CFAP206: variants seen among roughly 807,000 people sequenced by gnomAD.
CFAP206 encodes cilia- and flagella-associated protein 206.
In CFAP206, 53 loss-of-function variants were observed where a neutral mutation model predicts 65.4. The ratio of observed to expected loss-of-function variants is 0.81; its 90% CI spans 0.65 to 1.02. The LOEUF (loss-of-function observed/expected upper bound fraction) is 1.02. Ranked by LOEUF, CFAP206 falls within the 50% of genes least tolerant of loss-of-function variation. The pLI is 0.00. For missense variants in CFAP206, 663 were observed against 753.2 expected (o/e 0.88, Z 1.40); for synonymous variants, 250 against 254.4 (o/e 0.98, Z 0.17).
At chr6:87,432,030 C>T (rs2127952201) in intron 10 of CFAP206, among the ~76,000 whole-genome samples, 1 of 152,280 alleles carries the variant, frequency 6.6e-6, no homozygotes, top group South Asian at 2.1e-4. Context: ...AAGAAATTAT[C>T]ATCCAAAAAG....
chr6:87,437,825 AT>A (rs1206669821), intron 11 of CFAP206, among the ~76,000 whole-genome samples: 1,237 of 104,496 alleles, frequency 0.012, 21 homozygotes, highest in African/African-American at 0.038. Context: ...TGCCTGGCTA[AT>A]TTTTTTTTTT....
intron 9 of CFAP206, among the ~76,000 whole-genome samples, chr6:87,429,326 C>T (rs373757104): frequency 2.0e-5 from 3 of 151,692 alleles, no homozygotes; most frequent in Admixed American, 6.6e-5. Context: ...AATAACCATT[C>T]GTAGTGTTAT....
rs149521504 is a variant in CFAP206 at position 87,428,962 on chromosome 6, C to T, written c.1159+138C>T. 593 of 885,436 alleles carry T rather than the reference C, an allele frequency of 6.7e-4. 1 individual carries two copies. Among genetic ancestry groups the T allele is most frequent in the East Asian group, 1.7e-3 (61 of 36,946 alleles). The allele number at this position is 885,436 out of a possible 1,614,324, so 54.8% of individuals were successfully genotyped here. ...TTGATTATAAAGTACTAATGAGGGC[C>T]GGGTGTGGTGGCTCACGCCTGTAAT... On this transcript the variant is annotated intron_variant, in intron 9 of 12. Coordinates refer to ENST00000369562, the MANE Select transcript of CFAP206 (RefSeq NM_001031743.3).
intron 11 of CFAP206, among the ~76,000 whole-genome samples, chr6:87,454,354 T>C (rs1461485993): frequency 6.6e-6 from 1 of 152,156 alleles, no homozygotes; most frequent in Admixed American, 6.5e-5. Context: ...CAAAGAAACA[T>C]CAGACTTAAT....
chr6:87,408,044 G>GGACAGAAGCA lies in CFAP206; in HGVS notation c.-44_-35dup. 1 of 985,574 alleles carries GGACAGAAGCA rather than the reference G, an allele frequency of 1.0e-6. No homozygotes were observed. Among genetic ancestry groups the GGACAGAAGCA allele is most frequent in the South Asian group, 4.7e-5 (1 of 21,288 alleles). 61.1% of individuals were successfully genotyped at this position (985,574 alleles called of 1,614,324 possible). ...TCCGACCGTCGCGGTGAGGGCCCCA[G>GGACAGAAGCA]GACAGAAGCAGACAGACACGGCTCC... On this transcript the variant is annotated 5_prime_UTR_variant, in exon 1 of 13. Coordinates refer to ENST00000369562, the MANE Select transcript of CFAP206 (RefSeq NM_001031743.3).
rs557142170 is a variant in CFAP206, at chr6:87,437,502, T to C, written c.1494+2449T>C. 1.4e-4 allele frequency among the ~76,000 whole-genome samples: 22 copies of C among 152,306 alleles called. No individual in the cohort carries two copies. The South Asian group carries it at 4.1e-3, about 29-fold the overall frequency. The stretch of plus-strand genomic sequence containing the variant: ...TCTTTTCCCAGCCTGACACCTCTGT[T>C]AACTTTGTAAGTTGAATCCTTCATT... On this transcript the variant is annotated intron_variant, in intron 11 of 12. Transcript: ENST00000369562.
chr6:87,422,517 C>T (rs952001344), intron 7 of CFAP206, among the ~76,000 whole-genome samples: 2 of 149,802 alleles, frequency 1.3e-5, no homozygotes, highest in Non-Finnish European at 3.0e-5. Context: ...TTTGGGAGGC[C>T]GAGGCAGGTT....
At chr6:87,457,257 G>C (rs1768662581) in intron 11 of CFAP206, among the ~76,000 whole-genome samples, 1 of 151,560 alleles carries the variant, frequency 6.6e-6, no homozygotes, top group Non-Finnish European at 1.5e-5. Flanking sequence ...AGCATCTACA[G>C]ATTCAATGCA....
intron 7 of CFAP206, 21 bp downstream of exon 7, chr6:87,418,437 C>T (rs549247917): frequency 6.3e-7 from 1 of 1,595,394 alleles, no homozygotes; most frequent in South Asian, 1.1e-5. Flanking sequence ...TTCATAAGAC[C>T]TGACCTTTTC....
intron 7 of CFAP206, among the ~76,000 whole-genome samples, chr6:87,423,091 G>T (rs1258939584): frequency 2.6e-5 from 4 of 151,176 alleles, no homozygotes; most frequent in African/African-American, 9.7e-5. Flanking sequence ...TAATTTTTTT[G>T]TATTTTTAGT....
At chr6:87,440,917 C>G (rs577744262) in intron 11 of CFAP206, among the ~76,000 whole-genome samples, 1 of 152,154 alleles carries the variant, frequency 6.6e-6, no homozygotes, top group Non-Finnish European at 1.5e-5. Context: ...GTTTTTTCTA[C>G]AAGCACTCCA....
Position 87,441,640 on chromosome 6 carries a change from G to A in CFAP206, c.1494+6587G>A, listed in dbSNP as rs1000750535. 2.3e-5 allele frequency: 4 copies of A among 173,202 alleles called. No homozygotes were observed. The South Asian group carries it at 4.2e-4, about 18-fold the overall frequency. The allele number at this position is 173,202 out of a possible 1,614,324, so 10.7% of individuals were successfully genotyped here. ...TATCAGAATTTCCAGGGTTTAATCT[G>A]TTTGCTTGCCAGATTCTCTGGGAAA... On this transcript the variant is annotated intron_variant, in intron 11 of 12. Transcript: ENST00000369562.
chr6:87,438,460 C>CAAAAAA (rs757336468), intron 11 of CFAP206, among the ~76,000 whole-genome samples: 6 of 110,972 alleles, frequency 5.4e-5, no homozygotes, highest in South Asian at 3.0e-4. Context: ...ACTCTTGTCT[C>CAAAAAA]AAAAAAAAAA....
At chr6:87,458,146 G>A (rs1350605053) in intron 11 of CFAP206, among the ~76,000 whole-genome samples, 1 of 152,100 alleles carries the variant, frequency 6.6e-6, no homozygotes, top group African/African-American at 2.4e-5. Flanking sequence ...AGTTAAAATG[G>A]CTTATATCAA....
intron 3 of CFAP206, among the ~76,000 whole-genome samples, chr6:87,413,234 C>G (rs974091457): frequency 1.3e-5 from 2 of 152,128 alleles, no homozygotes; most frequent in African/African-American, 4.8e-5. Flanking sequence ...AAGTGTCCAT[C>G]AACAGATGAT....
In CFAP206 at chr6:87,423,398, G is replaced by A. The variant is rs1025419346; in HGVS notation, c.841-3128G>A. Reference sequence around the variant, plus strand: ...CGAGTAGCTGGGACTACAGGCGCCCGCCACCACGTCCGGCTAATTTTTTGT... The same window carrying A: ...CGAGTAGCTGGGACTACAGGCGCCCACCACCACGTCCGGCTAATTTTTTGT... On this transcript the variant is annotated intron_variant, in intron 7 of 12. Transcript: ENST00000369562. Among the ~76,000 whole-genome samples the A allele has an allele frequency of 4.0e-5, 6 of 151,888 alleles. No homozygotes were observed. In the South Asian group the frequency reaches 8.3e-4, roughly 21 times the overall value.
At chr6:87,455,480 G>A (rs1026390198) in intron 11 of CFAP206, among the ~76,000 whole-genome samples, 1 of 151,530 alleles carries the variant, frequency 6.6e-6, no homozygotes, top group East Asian at 1.9e-4. Context: ...AAAATTAGTA[G>A]ATGAAAAGAA....
At chr6:87,432,814 T>G (rs1768182238) in intron 10 of CFAP206, among the ~76,000 whole-genome samples, 2 of 152,256 alleles carry the variant, frequency 1.3e-5, no homozygotes, top group South Asian at 4.1e-4. Context: ...TCTGGATAAG[T>G]GAATTCTGAC....
At chr6:87,432,423 T>C (rs963441400) in intron 10 of CFAP206, among the ~76,000 whole-genome samples, 1 of 152,150 alleles carries the variant, frequency 6.6e-6, no homozygotes, top group Non-Finnish European at 1.5e-5. Flanking sequence ...TGTAGATAGT[T>C]TCCTTTTCTT....
Sources: gnomAD v4.1 joint callset for allele counts (sites outside exome capture counted in the v4.1 genomes callset) on GRCh38, gnomAD v4.1.1 for gene constraint, MANE v1.5 for transcripts, NCBI Gene and HGNC (gene_info 2026-07-23, HGNC 2026-07-21) for gene names.